Variants in SNX18 observed in about 807,000 individuals in gnomAD.
SNX18 encodes the protein sorting nexin-18.
Under a neutral mutation model 48.7 loss-of-function variants are expected in SNX18, and 35 were observed. That is an observed-to-expected ratio of 0.72 (90% confidence interval 0.55 to 0.95). The LOEUF (loss-of-function observed/expected upper bound fraction) is 0.95. SNX18 is among the 40% of genes least tolerant of loss of function. The pLI is 0.00. For synonymous variants in SNX18, 492 were observed against 384.7 expected, an observed-to-expected ratio of 1.28 and a Z score of -3.26; for missense variants, 824 against 871.0, an observed-to-expected ratio of 0.95 and a Z score of 0.68.
At chr5:54,600,043 C>T in the SNX18 span, among the ~76,000 whole-genome samples, 2 of 152,058 alleles carry the variant, frequency 1.3e-5, no homozygotes, top group African/African-American at 2.4e-5. Flanking sequence ...AGTGAACAGG[C>T]AACAAACAGA....
the SNX18 span, among the ~76,000 whole-genome samples, chr5:54,575,303 A>T: frequency 6.6e-6 from 1 of 151,548 alleles, no homozygotes; most frequent in African/African-American, 2.4e-5. Flanking sequence ...AAAATATGCC[A>T]GTTCAGAATA....
At chr5:54,579,748 C>G in the SNX18 span, among the ~76,000 whole-genome samples, 1 of 152,162 alleles carries the variant, frequency 6.6e-6, no homozygotes, top group Non-Finnish European at 1.5e-5. Context: ...AGGATGGGAA[C>G]AAATTTTAGA....
At chr5:54,535,172 CAT>C (rs1345548395) in intron 1 of SNX18, among the ~76,000 whole-genome samples, 1 of 152,134 alleles carries the variant, frequency 6.6e-6, no homozygotes, top group Non-Finnish European at 1.5e-5. Context: ...TAAACAAAGA[CAT>C]AGTTATTTCT....
the SNX18 span, among the ~76,000 whole-genome samples, chr5:54,629,333 T>A: frequency 6.6e-6 from 1 of 152,198 alleles, no homozygotes; most frequent in African/African-American, 2.4e-5. Flanking sequence ...GTTAGTGAGT[T>A]CAAGTGCTGT....
At chr5:54,571,257 G>A in the SNX18 span, among the ~76,000 whole-genome samples, 1 of 152,132 alleles carries the variant, frequency 6.6e-6, no homozygotes, top group East Asian at 1.9e-4. Context: ...TCTCGGGAGG[G>A]GAAAGGAGCA....
intron 1 of SNX18, among the ~76,000 whole-genome samples, chr5:54,535,619 G>A (rs1056283875): frequency 2.6e-5 from 4 of 152,150 alleles, no homozygotes; most frequent in Non-Finnish European, 5.9e-5. Context: ...GAATGAGGAT[G>A]CCCTGCTTGG....
the SNX18 span, among the ~76,000 whole-genome samples, chr5:54,592,347 A>T: frequency 1.3e-5 from 2 of 152,176 alleles, no homozygotes; most frequent in African/African-American, 4.8e-5. Flanking sequence ...AGGTGCCAGG[A>T]ATTCTTCTAG....
chr5:54,519,482 G>A lies in SNX18; in HGVS notation c.1530G>A (p.Gln510=). ...CCATTGGCGAGCTCTTCGCGGAGCA[G>A]CCCAGGCAGGACCTGGATCCCGTCA... is the stretch of plus-strand genomic sequence containing the variant. The part of the protein sequence containing the change: ...YDAIGELFAE[Q]PRQDLDPVMD... Residue 510 remains glutamine (Q), a synonymous_variant, in exon 1 of 2, where the codon CAG becomes CAA. Coordinates refer to ENST00000381410, the MANE Select transcript of SNX18 (RefSeq NM_001102575.2). 4 of 1,614,214 alleles carry A rather than the reference G, an allele frequency of 2.5e-6. No homozygotes were observed. The highest frequency in any genetic ancestry group is 3.4e-6 in the Non-Finnish European group (4 of 1,180,048).
chr5:54,571,170 C>T, the SNX18 span, among the ~76,000 whole-genome samples: 1 of 151,826 alleles, frequency 6.6e-6, no homozygotes, highest in South Asian at 2.1e-4. Context: ...CTTTCCTTGG[C>T]CCCATTTGTG....
the SNX18 span, among the ~76,000 whole-genome samples, chr5:54,610,523 A>G: frequency 6.6e-6 from 1 of 152,216 alleles, no homozygotes; most frequent in African/African-American, 2.4e-5. Context: ...CGCTCAGCCA[A>G]GATTGGAGAT....
intron 1 of SNX18, among the ~76,000 whole-genome samples, chr5:54,526,187 C>G (rs1018441965): frequency 6.6e-6 from 1 of 152,190 alleles, no homozygotes; most frequent in Non-Finnish European, 1.5e-5. Flanking sequence ...TCACTGCAAC[C>G]TCTGCCTCGC....
chr5:54,620,988 G>GATTT, the SNX18 span, among the ~76,000 whole-genome samples: 1 of 151,960 alleles, frequency 6.6e-6, no homozygotes, highest in Non-Finnish European at 1.5e-5. Context: ...TTCACATTAG[G>GATTT]GGTTAGGAAG....
chr5:54,639,853 AG>A, the SNX18 span, among the ~76,000 whole-genome samples: 1 of 152,164 alleles, frequency 6.6e-6, no homozygotes, highest in Non-Finnish European at 1.5e-5. Flanking sequence ...AGGTTATGCA[AG>A]GGCATTATGT....
chr5:54,603,224 AT>A, the SNX18 span, among the ~76,000 whole-genome samples: 1 of 120,322 alleles, frequency 8.3e-6, no homozygotes, highest in Admixed American at 9.0e-5. Flanking sequence ...TTTGGAAATT[AT>A]TTAAAAATAT....
the SNX18 span, among the ~76,000 whole-genome samples, chr5:54,629,044 T>C: frequency 6.6e-6 from 1 of 152,250 alleles, no homozygotes; most frequent in East Asian, 1.9e-4. Flanking sequence ...ATGTCCAACA[T>C]GGCCCCTGGG....
intron 1 of SNX18, among the ~76,000 whole-genome samples, chr5:54,529,240 A>G (rs1414133303): frequency 6.6e-6 from 1 of 152,088 alleles, no homozygotes; most frequent in African/African-American, 2.4e-5. Context: ...AGAGTAGGGT[A>G]AGGGATAGGG....
the SNX18 span, among the ~76,000 whole-genome samples, chr5:54,585,857 T>A: frequency 0.06 from 9,076 of 151,360 alleles, 468 homozygotes; most frequent in African/African-American, 0.14. Flanking sequence ...CAAAAAAAAA[T>A]AGCTGTACAT....
At chr5:54,627,290 C>T in the SNX18 span, among the ~76,000 whole-genome samples, 2 of 152,108 alleles carry the variant, frequency 1.3e-5, no homozygotes, top group Admixed American at 6.5e-5. Flanking sequence ...AAAATATAAT[C>T]GTACTCTTCC....
At chr5:54,647,425 A>T in the SNX18 span, among the ~76,000 whole-genome samples, 1 of 152,248 alleles carries the variant, frequency 6.6e-6, no homozygotes, top group African/African-American at 2.4e-5. Flanking sequence ...CTCAGTTTTG[A>T]AAAGTATAGA....
Sources: allele counts gnomAD v4.1 joint callset (sites outside exome capture counted in the v4.1 genomes callset), GRCh38; gene constraint gnomAD v4.1.1; transcripts MANE v1.5; gene names NCBI Gene and HGNC (gene_info 2026-07-23, HGNC 2026-07-21).